HEMK2: variants seen among roughly 807,000 people sequenced by gnomAD.
The protein encoded by HEMK2 is HemK methyltransferase 2, ETF1 glutamine and histone H4 lysine, also known as methyltransferase HEMK2.
the HEMK2 span, among the ~76,000 whole-genome samples, chr21:28,664,511 T>C: frequency 3.9e-5 from 6 of 152,156 alleles, no homozygotes; most frequent in African/African-American, 1.4e-4. Context: ...TACACTACCA[T>C]CAACCATCTG....
At chr21:28,653,099 C>G in the HEMK2 span, among the ~76,000 whole-genome samples, 33,368 of 151,902 alleles carry the variant, frequency 0.22, 4,065 homozygotes, top group East Asian at 0.38. Flanking sequence ...TGCCAACTCT[C>G]GGCACACTTC....
At chr21:28,762,137 C>T in the HEMK2 span, among the ~76,000 whole-genome samples, 1,183 of 152,180 alleles carry the variant, frequency 7.8e-3, 6 homozygotes, top group Non-Finnish European at 0.011. Flanking sequence ...TGCAGAAATT[C>T]ACACAAGAAG....
chr21:28,878,853 T>C, the HEMK2 span, among the ~76,000 whole-genome samples: 1 of 150,656 alleles, frequency 6.6e-6, no homozygotes, highest in Non-Finnish European at 1.5e-5. Context: ...AATGTCCCAA[T>C]GCATCTGGCC....
chr21:28,866,318 G>A, the HEMK2 span, among the ~76,000 whole-genome samples: 1 of 151,790 alleles, frequency 6.6e-6, no homozygotes, highest in Non-Finnish European at 1.5e-5. Context: ...TCCAGCCTGG[G>A]CAACAGAGCG....
chr21:28,731,223 T>C, the HEMK2 span, among the ~76,000 whole-genome samples: 342 of 152,316 alleles, frequency 2.2e-3, 2 homozygotes, highest in African/African-American at 7.9e-3. Context: ...CACAATACCC[T>C]GTTTATATTA....
the HEMK2 span, among the ~76,000 whole-genome samples, chr21:28,860,414 T>C: frequency 6.6e-6 from 1 of 151,504 alleles, no homozygotes; most frequent in Non-Finnish European, 1.5e-5. Context: ...GACCTTGTGA[T>C]TGTGTGAGTT....
the HEMK2 span, among the ~76,000 whole-genome samples, chr21:28,694,370 T>C: frequency 4.4e-3 from 670 of 152,344 alleles, 5 homozygotes; most frequent in African/African-American, 0.016. Flanking sequence ...CTCTAAGTAC[T>C]ATGAGAAAAA....
At chr21:28,801,442 T>G in the HEMK2 span, among the ~76,000 whole-genome samples, 1 of 152,152 alleles carries the variant, frequency 6.6e-6, no homozygotes, top group Non-Finnish European at 1.5e-5. Context: ...TAAATTATAA[T>G]TTTGAACTAG....
the HEMK2 span, among the ~76,000 whole-genome samples, chr21:28,828,121 C>T: frequency 2.0e-5 from 3 of 152,068 alleles, no homozygotes; most frequent in African/African-American, 4.8e-5. Flanking sequence ...CATGTTCATA[C>T]ATTTTCTTAT....
At chr21:28,802,863 G>T in the HEMK2 span, among the ~76,000 whole-genome samples, 1 of 152,092 alleles carries the variant, frequency 6.6e-6, no homozygotes, top group Admixed American at 6.6e-5. Flanking sequence ...AAATAAATGA[G>T]TCTTATGACT....
the HEMK2 span, among the ~76,000 whole-genome samples, chr21:28,601,296 C>A: frequency 6.6e-6 from 1 of 152,314 alleles, no homozygotes; most frequent in South Asian, 2.1e-4. Flanking sequence ...CCTGCATTTA[C>A]TAAGCCAGTA....
the HEMK2 span, among the ~76,000 whole-genome samples, chr21:28,705,113 T>C: frequency 6.6e-6 from 1 of 152,174 alleles, no homozygotes; most frequent in Non-Finnish European, 1.5e-5. Context: ...AGCAGCTTGG[T>C]AAATTTTCAT....
the HEMK2 span, among the ~76,000 whole-genome samples, chr21:28,831,722 G>GAAA: frequency 1.4e-3 from 71 of 49,702 alleles, 1 homozygote; most frequent in East Asian, 3.5e-3. Context: ...AAGGAAGGAA[G>GAAA]GAAGGAAGGA....
the HEMK2 span, chr21:28,883,211 T>TA: frequency 2.0e-6 from 1 of 497,132 alleles, no homozygotes; most frequent in Non-Finnish European, 3.4e-6. Context: ...TAGAAATTTA[T>TA]AATTTCTGAC....
the HEMK2 span, among the ~76,000 whole-genome samples, chr21:28,614,430 T>C: frequency 3.3e-5 from 5 of 152,050 alleles, no homozygotes; most frequent in Non-Finnish European, 7.4e-5. Context: ...AAAAAACATA[T>C]TGAAACCTGT....
chr21:28,749,242 G>GA, the HEMK2 span, among the ~76,000 whole-genome samples: 1 of 152,150 alleles, frequency 6.6e-6, no homozygotes, highest in Non-Finnish European at 1.5e-5. Flanking sequence ...TCTCAGTAGT[G>GA]AAAATCATTA....
the HEMK2 span, among the ~76,000 whole-genome samples, chr21:28,687,357 T>C: frequency 8.5e-5 from 13 of 152,362 alleles, no homozygotes; most frequent in African/African-American, 3.1e-4. Context: ...TTTCCTCGTC[T>C]AGAAAATAAA....
the HEMK2 span, among the ~76,000 whole-genome samples, chr21:28,737,187 C>G: frequency 2.0e-5 from 3 of 152,162 alleles, no homozygotes; most frequent in African/African-American, 7.2e-5. Flanking sequence ...TGCAGTGGTA[C>G]AATCTCAGCT....
the HEMK2 span, among the ~76,000 whole-genome samples, chr21:28,603,942 G>T: frequency 6.6e-6 from 1 of 152,202 alleles, no homozygotes; most frequent in Non-Finnish European, 1.5e-5. Flanking sequence ...CAGGTGGCCT[G>T]CCTGAACTCT....
Sources: allele counts gnomAD v4.1 joint callset (sites outside exome capture counted in the v4.1 genomes callset), GRCh38; gene constraint gnomAD v4.1.1; transcripts MANE v1.5; gene names NCBI Gene and HGNC (gene_info 2026-07-23, HGNC 2026-07-21).